SV2B: variants seen among roughly 807,000 people sequenced by gnomAD.
The protein encoded by SV2B is synaptic vesicle glycoprotein 2B.
Under a neutral mutation model 73.9 loss-of-function variants are expected in SV2B, and 41 were observed. The ratio of observed to expected loss-of-function variants is 0.56; its 90% CI spans 0.43 to 0.72. The LOEUF (loss-of-function observed/expected upper bound fraction) is 0.72. Among genes scored for constraint, SV2B ranks in the 30% least tolerant of loss-of-function variants. The pLI, the probability that SV2B is intolerant of heterozygous loss-of-function variation, is 0.00. For synonymous variants in SV2B, 314 were observed against 314.2 expected, an observed-to-expected ratio of 1.00 and a Z score of 0.01; for missense variants, 764 against 857.8, an observed-to-expected ratio of 0.89 and a Z score of 1.37.
At chr15:91,142,610 T>C (rs2043029528) in intron 1 of SV2B, among the ~76,000 whole-genome samples, 1 of 152,172 alleles carries the variant, frequency 6.6e-6, no homozygotes, top group Admixed American at 6.5e-5. Context: ...GAACTAACAT[T>C]TATTGAATGC....
chr15:91,195,151 G>A (rs1177502060), intron 1 of SV2B, among the ~76,000 whole-genome samples: 1 of 152,224 alleles, frequency 6.6e-6, no homozygotes, highest in African/African-American at 2.4e-5. Context: ...CTCTGAGCAT[G>A]TCATGTAAAC....
In SV2B at chr15:91,268,872, T is replaced by C. The variant is rs1302841998; in HGVS notation, c.1373+267T>C. On this transcript the variant is annotated intron_variant, in intron 9 of 12. Coordinates refer to ENST00000394232, the MANE Select transcript of SV2B (RefSeq NM_001323032.3). The surrounding 1 kb of genome is among the most constrained non-coding windows in gnomAD (Gnocchi z 4.4). ...GAGACATTTGACTGAGGACGGTCAG[T>C]TGGGCCATTTTTCCAAGTGATGTCC... is the stretch of plus-strand genomic sequence containing the variant. Among the ~76,000 whole-genome samples the C allele has an allele frequency of 1.3e-5, 2 of 152,116 alleles. No homozygotes were observed. The highest frequency in any genetic ancestry group is 2.9e-5 in the Non-Finnish European group (2 of 68,020).
chr15:91,192,175 C>G (rs1488790148), intron 1 of SV2B, among the ~76,000 whole-genome samples: 1 of 152,174 alleles, frequency 6.6e-6, no homozygotes, highest in Non-Finnish European at 1.5e-5. Flanking sequence ...ACTTTTCCTT[C>G]CATGCCTAGC....
chr15:91,174,952 G>C (rs1267929961), intron 1 of SV2B, among the ~76,000 whole-genome samples: 1 of 152,202 alleles, frequency 6.6e-6, no homozygotes, highest in Non-Finnish European at 1.5e-5. Context: ...ATGCCAAGGG[G>C]AGATGGATCA....
rs937143264 is a variant in SV2B at position 91,294,939 on chromosome 15, G to A, written c.*2387G>A. On this transcript the variant is annotated 3_prime_UTR_variant, in exon 13 of 13. Transcript: ENST00000394232. The surrounding 1 kb of genome is among the most constrained non-coding windows in gnomAD (Gnocchi z 4.1). ...AAGCTCTGCAGACTTTTGCAGGATTGTCTAGCCTGAGTACCGGGCTACTTC... is the reference window on the plus strand; with the variant it reads ...AAGCTCTGCAGACTTTTGCAGGATTATCTAGCCTGAGTACCGGGCTACTTC... The A allele has an allele frequency of 2.2e-4, 33 of 152,616 alleles. No homozygotes were observed. The highest frequency in any genetic ancestry group is 7.7e-4 in the African/African-American group (32 of 41,416). 9.5% of individuals were successfully genotyped at this position (152,616 alleles called of 1,614,324 possible). A position where few individuals can be genotyped will look rare whatever the true frequency, so the allele number is the denominator to read the frequency against.
At chr15:91,202,805 A>G (rs1315527367) in intron 1 of SV2B, among the ~76,000 whole-genome samples, 1 of 152,142 alleles carries the variant, frequency 6.6e-6, no homozygotes. Context: ...AGTTGGGTCA[A>G]TGGGCCTGGC....
chr15:91,142,506 G>C (rs949221612), intron 1 of SV2B, among the ~76,000 whole-genome samples: 1 of 152,138 alleles, frequency 6.6e-6, no homozygotes, highest in African/African-American at 2.4e-5. Context: ...TGTTAGCAAT[G>C]GAGAGAAAGA....
chr15:91,228,647 A>G (rs1192385859), intron 2 of SV2B, among the ~76,000 whole-genome samples: 1 of 152,204 alleles, frequency 6.6e-6, no homozygotes, highest in Non-Finnish European at 1.5e-5. Flanking sequence ...TCCTAGGGCA[A>G]ATGCTGGGAG....
chr15:91,113,805 A>G (rs537597041), intron 1 of SV2B, among the ~76,000 whole-genome samples: 1 of 152,312 alleles, frequency 6.6e-6, no homozygotes, highest in Admixed American at 6.5e-5. Flanking sequence ...ACAGAGCCTC[A>G]ATTTCCTGAT....
At chr15:91,291,831 C>T (rs1485490503) in intron 12 of SV2B, among the ~76,000 whole-genome samples, 1 of 152,188 alleles carries the variant, frequency 6.6e-6, no homozygotes, top group African/African-American at 2.4e-5. Context: ...ACGGAAGCTT[C>T]TTGGGAACTG....
At chr15:91,278,029 A>G (rs1440808350) in intron 9 of SV2B, among the ~76,000 whole-genome samples, 1 of 152,222 alleles carries the variant, frequency 6.6e-6, no homozygotes, top group African/African-American at 2.4e-5. Flanking sequence ...ACAAGAATGT[A>G]TGTCCTTACG....
At chr15:91,146,344 C>T (rs1320927703) in intron 1 of SV2B, among the ~76,000 whole-genome samples, 1 of 152,162 alleles carries the variant, frequency 6.6e-6, no homozygotes, top group Non-Finnish European at 1.5e-5. Context: ...GTTTTGGTTA[C>T]TGTAGCCTTG....
At position 91,147,790 on chromosome 15, in the gene SV2B, A is replaced by G. The variant is rs535985297; in HGVS notation, c.-392+47427A>G. Among the ~76,000 whole-genome samples, 73 of 152,108 alleles carry G rather than the reference A, an allele frequency of 4.8e-4. 1 individual carries two copies. The highest frequency in any genetic ancestry group is 8.7e-4 in the Non-Finnish European group (59 of 67,992). Reference sequence around the variant, plus strand: ...GTCTAGTGCCTAGGAGGAAACAATTAGATATTGGGGCTGGTCTTATCAGGG... The same window carrying G: ...GTCTAGTGCCTAGGAGGAAACAATTGGATATTGGGGCTGGTCTTATCAGGG... On this transcript the variant is annotated intron_variant, in intron 1 of 12. Coordinates refer to ENST00000394232, the MANE Select transcript of SV2B (RefSeq NM_001323032.3).
chr15:91,198,004 C>A (rs1317787508), intron 1 of SV2B, among the ~76,000 whole-genome samples: 1 of 152,190 alleles, frequency 6.6e-6, no homozygotes, highest in Non-Finnish European at 1.5e-5. Flanking sequence ...CATTACACTA[C>A]AGCCTGGGCA....
chr15:91,272,827 T>C (rs1156586921), intron 9 of SV2B, among the ~76,000 whole-genome samples: 1 of 126,118 alleles, frequency 7.9e-6, no homozygotes, highest in Non-Finnish European at 1.6e-5. Flanking sequence ...AGCATATTCG[T>C]CTTTTTTTTT....
intron 1 of SV2B, among the ~76,000 whole-genome samples, chr15:91,184,229 C>T (rs2044690104): frequency 6.6e-6 from 1 of 152,168 alleles, no homozygotes; most frequent in African/African-American, 2.4e-5. Context: ...GGCAAGCAAC[C>T]TTGCCAAAGT....
intron 1 of SV2B, among the ~76,000 whole-genome samples, chr15:91,143,706 G>A (rs2043064500): frequency 6.6e-6 from 1 of 152,202 alleles, no homozygotes; most frequent in Non-Finnish European, 1.5e-5. Context: ...GATTTTTCTG[G>A]AATAGATGAT....
rs1269963865 is a variant in SV2B, at chr15:91,226,639, G to A, written c.376G>A (p.Val126Met). 2 of 1,614,132 alleles carry A rather than the reference G, an allele frequency of 1.2e-6. No homozygotes were observed. Among genetic ancestry groups the A allele is most frequent in the Non-Finnish European group, 1.7e-6 (2 of 1,180,022 alleles). ...GGCCCTGATGGCCGATGGGGTGGAA[G>A]TGTTCGTGGTGAGTTTTGCCCTGCC... ...GLALMADGVE[V>M]FVVSFALPSA... The change falls in exon 2 of 13, where the codon GTG (valine) becomes ATG (methionine). Residue 126 changes from valine (V) to methionine (M), a missense_variant. Val to Met is a conservative substitution (Grantham distance 21, BLOSUM62 1). Transcript: ENST00000394232.
Position 91,170,119 on chromosome 15 carries a change from C to T in SV2B, c.-391-55754C>T, listed in dbSNP as rs201955567. 2.8e-4 allele frequency among the ~76,000 whole-genome samples: 43 copies of T among 151,996 alleles called. No homozygotes were observed. In the East Asian group the frequency reaches 7.0e-3, roughly 25 times the overall value. On this transcript the variant is annotated intron_variant, in intron 1 of 12. Coordinates refer to ENST00000394232, the MANE Select transcript of SV2B (RefSeq NM_001323032.3). Reference sequence around the variant, plus strand: ...GTTATTTAATTTGTCTTTGTAGGTCCGTATTTTTTTAAAGACCTTGACCAC... The same window carrying T: ...GTTATTTAATTTGTCTTTGTAGGTCTGTATTTTTTTAAAGACCTTGACCAC...
Sources: allele counts gnomAD v4.1 joint callset (sites outside exome capture counted in the v4.1 genomes callset), GRCh38; gene constraint gnomAD v4.1.1; non-coding constraint Gnocchi (gnomAD v3.1); transcripts MANE v1.5; gene names NCBI Gene and HGNC (gene_info 2026-07-23, HGNC 2026-07-21).